BBX: variants seen among roughly 807,000 people sequenced by gnomAD.
BBX encodes the protein BBX high mobility group box domain containing.
In BBX, 30 loss-of-function variants were observed where a neutral mutation model predicts 100.2. The ratio of observed to expected loss-of-function variants is 0.30; its 90% CI spans 0.22 to 0.41. The LOEUF (loss-of-function observed/expected upper bound fraction) is 0.41, where lower values mean the gene tolerates loss of function less well. BBX is among the 10% of genes least tolerant of loss of function. The pLI, the probability that BBX is intolerant of heterozygous loss-of-function variation, is 1.00. For missense variants in BBX, 1,023 were observed against 1,129.8 expected (o/e 0.91, Z 1.35); for synonymous variants, 376 against 388.1 (o/e 0.97, Z 0.37).
At chr3:107,744,051 CT>C (rs1576601892) in intron 7 of BBX, among the ~76,000 whole-genome samples, 1 of 150,884 alleles carries the variant, frequency 6.6e-6, no homozygotes, top group East Asian at 2.0e-4. Flanking sequence ...ATTTTTCCCC[CT>C]AGACTCTCTA....
Position 107,802,528 on chromosome 3 carries a change from T to C in BBX, c.2738+1247T>C, listed in dbSNP as rs566974909. ...AGAGGACAAGCACATACACGTGCAG[T>C]GAGAACTTAAAATATCTGCCTGAAT... On this transcript the variant is annotated intron_variant, in intron 17 of 17. Transcript: ENST00000325805. 3.9e-5 allele frequency among the ~76,000 whole-genome samples: 6 copies of C among 152,370 alleles called. No homozygotes were observed. The South Asian group carries it at 1.2e-3, about 32-fold the overall frequency.
intron 3 of BBX, among the ~76,000 whole-genome samples, chr3:107,660,505 T>TAAAAAAAAAAAAAAAAAAAAAAAAAAAAA (rs34604623): frequency 9.9e-6 from 1 of 101,322 alleles, no homozygotes; most frequent in Non-Finnish European, 2.0e-5. Flanking sequence ...CAAAAAGCAT[T>TAAAAAAAAAAAAAAAAAAAAAAAAAAAAA]AAAAAAAAAA....
chr3:107,770,620 G>A (rs2066828102), intron 10 of BBX, among the ~76,000 whole-genome samples: 1 of 152,172 alleles, frequency 6.6e-6, no homozygotes, highest in South Asian at 2.1e-4. Context: ...ATAAAGAGAA[G>A]TTCATAGTCT....
At chr3:107,636,888 TGTGCTTA>T (rs940694417) in intron 2 of BBX, among the ~76,000 whole-genome samples, 8 of 152,232 alleles carry the variant, frequency 5.3e-5, no homozygotes, top group African/African-American at 1.9e-4. Flanking sequence ...CTGTAGAGAA[TGTGCTTA>T]GTTTTAATGG....
At chr3:107,556,226 A>G (rs1015768921) in intron 2 of BBX, among the ~76,000 whole-genome samples, 2 of 152,206 alleles carry the variant, frequency 1.3e-5, no homozygotes, top group Non-Finnish European at 2.9e-5. Context: ...TTAGAAAATT[A>G]CTGGTTAATA....
intron 2 of BBX, among the ~76,000 whole-genome samples, chr3:107,541,685 T>C (rs2048877244): frequency 6.6e-6 from 1 of 152,210 alleles, no homozygotes; most frequent in African/African-American, 2.4e-5. Context: ...GACATATTTC[T>C]GAAGTTACAA....
At chr3:107,525,791 G>A (rs1450904195) in intron 1 of BBX, among the ~76,000 whole-genome samples, 1 of 152,200 alleles carries the variant, frequency 6.6e-6, no homozygotes, top group African/African-American at 2.4e-5. Context: ...TCCAATCTGG[G>A]GATTGTGACC....
intron 3 of BBX, among the ~76,000 whole-genome samples, chr3:107,670,522 C>G (rs546113003): frequency 6.6e-6 from 1 of 151,612 alleles, no homozygotes; most frequent in East Asian, 1.9e-4. Flanking sequence ...ATTGAAATAT[C>G]AACACCATAA....
Position 107,743,573 on chromosome 3 carries a change from C to T in BBX, c.670-1057C>T, listed in dbSNP as rs142686623. Reference sequence around the variant, plus strand: ...ACAATTAAAATTTCAAATGTTTGCTCCTGCCCAGTGGCCTGTGACATTGTT... The same window carrying T: ...ACAATTAAAATTTCAAATGTTTGCTTCTGCCCAGTGGCCTGTGACATTGTT... On this transcript the variant is annotated intron_variant, in intron 7 of 17. Transcript: ENST00000325805. Among the ~76,000 whole-genome samples the T allele has an allele frequency of 2.9e-3, 435 of 152,318 alleles. 3 individuals are homozygous for T. Among genetic ancestry groups the T allele is most frequent in the Non-Finnish European group, 5.3e-3 (360 of 68,018 alleles).
chr3:107,694,336 A>G (rs2060412572), intron 3 of BBX, among the ~76,000 whole-genome samples: 1 of 112,890 alleles, frequency 8.9e-6, no homozygotes, highest in Admixed American at 9.9e-5. Flanking sequence ...TGGGTTTGTC[A>G]TAGATAGCTC....
chr3:107,772,546 G>A (rs1373672316), intron 10 of BBX, 82 bp from the exon 11 acceptor site: 1 of 1,355,470 alleles, frequency 7.4e-7, no homozygotes, highest in African/African-American at 1.5e-5. Context: ...TTTTAAAACA[G>A]ATATAATTGA....
At chr3:107,789,718 G>T in intron 13 of BBX, 69 bp from the exon 14 acceptor site, 1 of 1,155,000 alleles carries the variant, frequency 8.7e-7, no homozygotes, top group South Asian at 1.8e-5. Flanking sequence ...TGGAATTGTT[G>T]AGAAATACAC....
chr3:107,715,604 T>G (rs368711798), intron 4 of BBX, among the ~76,000 whole-genome samples: 9 of 152,238 alleles, frequency 5.9e-5, no homozygotes, highest in East Asian at 5.8e-4. Flanking sequence ...AATCATTTTT[T>G]CCTTAGAAAA....
chr3:107,666,851 C>T (rs1030653927), intron 3 of BBX, among the ~76,000 whole-genome samples: 5 of 152,196 alleles, frequency 3.3e-5, no homozygotes, highest in South Asian at 2.1e-4. Context: ...ATTACAGGGG[C>T]GAGCCACTGC....
chr3:107,620,711 G>A (rs547769913), intron 2 of BBX, among the ~76,000 whole-genome samples: 2 of 152,300 alleles, frequency 1.3e-5, no homozygotes, highest in Admixed American at 6.5e-5. Flanking sequence ...CTAACTGGAA[G>A]GGATAGGAAT....
chr3:107,527,243 A>G (rs1334855497), intron 2 of BBX, among the ~76,000 whole-genome samples: 1 of 142,076 alleles, frequency 7.0e-6, no homozygotes, highest in Admixed American at 7.0e-5. Flanking sequence ...GGAACACCCC[A>G]GGTACTCTTG....
At chr3:107,723,981 G>A (rs1160343721) in intron 5 of BBX, among the ~76,000 whole-genome samples, 2 of 152,110 alleles carry the variant, frequency 1.3e-5, no homozygotes, top group African/African-American at 2.4e-5. Flanking sequence ...TTGAGGAATC[G>A]CCACACTGTC....
chr3:107,602,251 T>C (rs1444458554), intron 2 of BBX, among the ~76,000 whole-genome samples: 2 of 152,264 alleles, frequency 1.3e-5, no homozygotes, highest in Non-Finnish European at 2.9e-5. Context: ...ATTCATTCTG[T>C]AGCCCATGGA....
At chr3:107,586,970 C>T (rs1463999888) in intron 2 of BBX, among the ~76,000 whole-genome samples, 6 of 151,862 alleles carry the variant, frequency 4.0e-5, no homozygotes, top group Non-Finnish European at 5.9e-5. Flanking sequence ...AGCCTGATCT[C>T]GAACTCCTGA....
Sources: gnomAD v4.1 joint callset for allele counts (sites outside exome capture counted in the v4.1 genomes callset) on GRCh38, gnomAD v4.1.1 for gene constraint, MANE v1.5 for transcripts, NCBI Gene and HGNC (gene_info 2026-07-23, HGNC 2026-07-21) for gene names.